SGCZ: variants seen among roughly 807,000 people sequenced by gnomAD.
SGCZ encodes the protein zeta-sarcoglycan.
SGCZ carries 40 observed loss-of-function variants against 41.3 expected under a neutral mutation model. That is an observed-to-expected ratio of 0.97 (90% confidence interval 0.75 to 1.26). The LOEUF (loss-of-function observed/expected upper bound fraction) is 1.26, where lower values mean the gene tolerates loss of function less well. Ranked by LOEUF, SGCZ falls within the 50% of genes most tolerant of loss-of-function variation. The probability of loss-of-function intolerance (pLI) is 0.00; values close to 1 mark genes in which losing one functional copy is unlikely to be tolerated. For synonymous variants in SGCZ, 206 were observed against 137.5 expected (o/e 1.50, Z -3.49); for missense variants, 552 against 369.8 (o/e 1.49, Z -4.04).
Position 14,635,359 on chromosome 8 carries a change from T to C in SGCZ, c.40-80433A>G, listed in dbSNP as rs191021543. ...AATATATCCAACTATATTCTCATTT[T>C]AGCAATGATCTCACTTAATCTATTA... On this transcript the variant is annotated intron_variant, in intron 1 of 7. Coordinates refer to ENST00000382080, the MANE Select transcript of SGCZ (RefSeq NM_139167.4). Among the ~76,000 whole-genome samples the C allele has an allele frequency of 1.2e-4, 18 of 152,092 alleles. No homozygotes were observed. The East Asian group carries it at 2.3e-3, about 20-fold the overall frequency.
At chr8:14,259,092 G>C (rs1799562196) in intron 3 of SGCZ, among the ~76,000 whole-genome samples, 1 of 152,078 alleles carries the variant, frequency 6.6e-6, no homozygotes, top group South Asian at 2.1e-4. Context: ...AAGGCATTTA[G>C]CCTTGGGTAA....
chr8:14,198,822 T>G (rs1200210797), intron 4 of SGCZ, among the ~76,000 whole-genome samples: 1 of 152,198 alleles, frequency 6.6e-6, no homozygotes, highest in Non-Finnish European at 1.5e-5. Context: ...TACTGCAATC[T>G]CTGAACATAC....
intron 1 of SGCZ, among the ~76,000 whole-genome samples, chr8:14,572,197 A>G (rs1209625573): frequency 6.6e-6 from 1 of 152,208 alleles, no homozygotes; most frequent in African/African-American, 2.4e-5. Context: ...GCTCTCTACC[A>G]GATAGTTAAT....
At chr8:14,565,921 C>T (rs1278289232) in intron 1 of SGCZ, among the ~76,000 whole-genome samples, 1 of 152,046 alleles carries the variant, frequency 6.6e-6, no homozygotes, top group Non-Finnish European at 1.5e-5. Context: ...TGACAAACTT[C>T]TTTACATTTT....
intron 1 of SGCZ, among the ~76,000 whole-genome samples, chr8:15,174,893 T>A (rs116172322): frequency 0.014 from 2,180 of 152,188 alleles, 58 homozygotes; most frequent in African/African-American, 0.049. Flanking sequence ...TACACACTGT[T>A]GGGAGGAGTG....
chr8:15,173,076 A>T (rs1799892759), intron 1 of SGCZ, among the ~76,000 whole-genome samples: 1 of 152,192 alleles, frequency 6.6e-6, no homozygotes, highest in Non-Finnish European at 1.5e-5. Context: ...ACTGTAGTCT[A>T]AGGGGTTGTG....
At chr8:15,216,230 T>TC (rs1345694007) in intron 1 of SGCZ, among the ~76,000 whole-genome samples, 2 of 148,342 alleles carry the variant, frequency 1.3e-5, no homozygotes, top group African/African-American at 5.0e-5. Context: ...TTTCTTTTTT[T>TC]TTTTTTTTTG....
rs183948442 is a variant in SGCZ at position 14,973,776 on chromosome 8, A to T, written c.39+263809T>A. Among the ~76,000 whole-genome samples, 3 of 152,314 alleles carry T rather than the reference A, an allele frequency of 2.0e-5. No individual in the cohort carries two copies. In the East Asian group the frequency reaches 5.8e-4, roughly 29 times the overall value. On this transcript the variant is annotated intron_variant, in intron 1 of 7. Coordinates refer to ENST00000382080, the MANE Select transcript of SGCZ (RefSeq NM_139167.4). Reference sequence around the variant, plus strand: ...CTGAAAGACGACACGTTTTGGTAACAAGTCCTCTTTATTTGCCTGTGAATT... The same window carrying T: ...CTGAAAGACGACACGTTTTGGTAACTAGTCCTCTTTATTTGCCTGTGAATT...
intron 1 of SGCZ, among the ~76,000 whole-genome samples, chr8:14,793,460 T>G (rs1183941135): frequency 6.6e-6 from 1 of 152,078 alleles, no homozygotes; most frequent in East Asian, 1.9e-4. Flanking sequence ...CAATAAAAAA[T>G]TATCCAGCCA....
At chr8:14,484,049 C>G (rs1801606786) in intron 2 of SGCZ, among the ~76,000 whole-genome samples, 1 of 152,240 alleles carries the variant, frequency 6.6e-6, no homozygotes, top group South Asian at 2.1e-4. Flanking sequence ...AAATATGCCA[C>G]TTTATTAGAC....
chr8:14,880,417 T>G (rs947493795), intron 1 of SGCZ, among the ~76,000 whole-genome samples: 2 of 152,164 alleles, frequency 1.3e-5, no homozygotes, highest in African/African-American at 4.8e-5. Context: ...GATGTAGAAC[T>G]AGAAATACCA....
At chr8:15,163,770 A>C (rs1044027456) in intron 1 of SGCZ, among the ~76,000 whole-genome samples, 2 of 152,226 alleles carry the variant, frequency 1.3e-5, no homozygotes, top group African/African-American at 2.4e-5. Flanking sequence ...TTAATAAGTA[A>C]AATATGACAA....
At position 14,666,942 on chromosome 8, in the gene SGCZ, C is replaced by T. The variant is rs1346491059; in HGVS notation, c.40-112016G>A. ...AGAAATATGTTTGTATATAAACACA[C>T]ACATATATATGCACACAAATATATA... On this transcript the variant is annotated intron_variant, in intron 1 of 7. Coordinates refer to ENST00000382080, the MANE Select transcript of SGCZ (RefSeq NM_139167.4). Among the ~76,000 whole-genome samples, 5 of 151,996 alleles carry T rather than the reference C, an allele frequency of 3.3e-5. No individual in the cohort carries two copies. The East Asian group carries it at 9.7e-4, about 29-fold the overall frequency.
chr8:14,110,050 A>T (rs1054997584), intron 5 of SGCZ, among the ~76,000 whole-genome samples: 18 of 152,106 alleles, frequency 1.2e-4, no homozygotes, highest in African/African-American at 3.9e-4. Context: ...TAAGCGGTTT[A>T]TTCTTTTGAT....
intron 1 of SGCZ, among the ~76,000 whole-genome samples, chr8:15,016,058 C>G (rs919422335): frequency 3.9e-5 from 6 of 152,148 alleles, no homozygotes; most frequent in African/African-American, 1.4e-4. Context: ...TAACTCCCCT[C>G]CATTATATCC....
chr8:14,519,507 C>T (rs193049180), intron 2 of SGCZ, among the ~76,000 whole-genome samples: 3 of 152,078 alleles, frequency 2.0e-5, no homozygotes, highest in Admixed American at 1.3e-4. Flanking sequence ...TACATTGCAA[C>T]GTTCATGTTA....
intron 4 of SGCZ, among the ~76,000 whole-genome samples, chr8:14,211,053 G>A (rs1356842246): frequency 2.0e-5 from 3 of 152,182 alleles, no homozygotes; most frequent in Non-Finnish European, 2.9e-5. Flanking sequence ...AAGGGAATGT[G>A]CTAGTAATCC....
Position 14,479,746 on chromosome 8 carries a change from T to C in SGCZ, c.234+74986A>G, listed in dbSNP as rs1022626550. Among the ~76,000 whole-genome samples, 288 of 76,064 alleles carry C rather than the reference T, an allele frequency of 3.8e-3. 14 individuals carry two copies. Among genetic ancestry groups the C allele is most frequent in the Middle Eastern group, 0.012 (2 of 164 alleles). The allele number at this position is 76,064 out of a possible 152,430, so 49.9% of individuals were successfully genotyped here. A position where few individuals can be genotyped will look rare whatever the true frequency, so the allele number is the denominator to read the frequency against. On this transcript the variant is annotated intron_variant, in intron 2 of 7. Transcript: ENST00000382080. ...AATTCTACTTCTTTTTTTTTTTTTT[T>C]TTTTTTTTTTTTTTTATTTGAGATG...
intron 1 of SGCZ, among the ~76,000 whole-genome samples, chr8:15,020,612 A>T (rs1000244211): frequency 5.3e-5 from 8 of 152,230 alleles, no homozygotes. Context: ...ATTCTATTAT[A>T]GTGCAGGAAG....
Sources: gnomAD v4.1 joint callset for allele counts (sites outside exome capture counted in the v4.1 genomes callset) on GRCh38, gnomAD v4.1.1 for gene constraint, MANE v1.5 for transcripts, NCBI Gene and HGNC (gene_info 2026-07-23, HGNC 2026-07-21) for gene names.